Variants in OR6J1 observed in about 807,000 individuals in gnomAD.
The protein encoded by OR6J1 is olfactory receptor 6J1.
For missense variants in OR6J1, 304 were observed against 166.8 expected (o/e 1.82, Z -4.53); for synonymous variants, 109 against 70.0 (o/e 1.56, Z -2.78).
Position 22,634,186 on chromosome 14 carries a change from C to T in OR6J1, c.626G>A (p.Cys209Tyr), listed in dbSNP as rs1293907337. The change falls in exon 2 of 2, where the codon TGC becomes TAC. Residue 209 changes from cysteine to tyrosine, a missense_variant. Coordinates refer to ENST00000540461, the MANE Select transcript of OR6J1 (RefSeq NM_001348233.2). ...FMLSSMVILC[C>Y]IVLVAYSYTY... ...ATAGGAATAGGCCACGAGGACTATG[C>T]AGCAGAGGATGACCATGGAAGAAAG... 3 of 703,340 alleles carry T rather than the reference C, an allele frequency of 4.3e-6. No individual in the cohort carries two copies. In the Admixed American group the frequency reaches 6.0e-5, roughly 14 times the overall value. The allele number at this position is 703,340 out of a possible 1,614,324, so 43.6% of individuals were successfully genotyped here. A position where few individuals can be genotyped will look rare whatever the true frequency, so the allele number is the denominator to read the frequency against.
chr14:22,635,563 T>C (rs1594901386), intron 1 of OR6J1, among the ~76,000 whole-genome samples: 1 of 152,166 alleles, frequency 6.6e-6, no homozygotes, highest in East Asian at 1.9e-4. Flanking sequence ...GGAAGGAGCT[T>C]GCATTGGCAG....
At chr14:22,641,210 TAAGAAAGA>T (rs992658481) in intron 1 of OR6J1, among the ~76,000 whole-genome samples, 2,201 of 122,356 alleles carry the variant, frequency 0.018, 66 homozygotes, top group Middle Eastern at 0.061. Context: ...GAGAGAAAGA[TAAGAAAGA>T]AAGAAAGAAA....
rs1555311012 is a variant in OR6J1 at position 22,641,395 on chromosome 14, G to GGA, written c.-28+2702_-28+2703insTC. ...GAGAGAAGAAAGAAAGAGAGAGAGA[G>GGA]AGAAAGGAAGGATGGAAGGAAGGAA... On this transcript the variant is annotated intron_variant, in intron 1 of 1. Coordinates refer to ENST00000540461, the MANE Select transcript of OR6J1 (RefSeq NM_001348233.2). 9.3e-3 allele frequency among the ~76,000 whole-genome samples: 229 copies of GGA among 24,644 alleles called. 3 individuals are homozygous for GGA. The highest frequency in any genetic ancestry group is 0.068 in the East Asian group (34 of 498). The allele number at this position is 24,644 out of a possible 152,430, so 16.2% of individuals were successfully genotyped here.
In OR6J1 at chr14:22,633,640, C is replaced by A; in HGVS notation, c.*128G>T. 1.7e-6 allele frequency: 1 copy of A among 597,240 alleles called. No homozygotes were observed. Among genetic ancestry groups the A allele is most frequent in the African/African-American group, 1.9e-5 (1 of 53,906 alleles). The allele number at this position is 597,240 out of a possible 1,614,324, so 37.0% of individuals were successfully genotyped here. A position where few individuals can be genotyped will look rare whatever the true frequency, so the allele number is the denominator to read the frequency against. On this transcript the variant is annotated 3_prime_UTR_variant, in exon 2 of 2. Transcript: ENST00000540461. ...GTCAGAATGGCTGGTGACACAGCTG[C>A]GGTCACAGATTAAAGTGAAAACCAA...
chr14:22,643,762 C>CAGAGAGAGAGAG (rs71421136), intron 1 of OR6J1, among the ~76,000 whole-genome samples: 80 of 53,108 alleles, frequency 1.5e-3, no homozygotes, highest in South Asian at 1.9e-3. Flanking sequence ...CACACACACA[C>CAGAGAGAGAGAG]ACAGAGAGAG....
At chr14:22,643,756 C>G (rs1250751048) in intron 1 of OR6J1, among the ~76,000 whole-genome samples, 1,006 of 72,524 alleles carry the variant, frequency 0.014, 11 homozygotes, top group African/African-American at 0.036. Context: ...CACACACACA[C>G]ACACACACAG....
chr14:22,641,762 C>T (rs932001957), intron 1 of OR6J1, among the ~76,000 whole-genome samples: 3 of 152,050 alleles, frequency 2.0e-5, no homozygotes, highest in Non-Finnish European at 4.4e-5. Context: ...TGTGAAGAAA[C>T]CTGATTTCAG....
chr14:22,634,075 A>G lies in OR6J1; in HGVS notation c.737T>C (p.Ile246Thr), dbSNP rs533589955. ...AFNTCASHLT[I>T]VIISSGITVF... The stretch of plus-strand genomic sequence containing the variant: ...AGTGATGCCACTAGAAATGATGACT[A>G]TGGTCAGGTGGGAAGCACAGGTATT... The change falls in exon 2 of 2, where the codon ATA (isoleucine) becomes ACA (threonine). Residue 246 changes from isoleucine (I) to threonine (T), a missense_variant. Transcript: ENST00000540461. 15 of 703,052 alleles carry G rather than the reference A, an allele frequency of 2.1e-5. No homozygotes were observed. The highest frequency in any genetic ancestry group is 5.2e-5 in the African/African-American group (3 of 57,376). The allele number at this position is 703,052 out of a possible 1,614,324, so 43.6% of individuals were successfully genotyped here.
In OR6J1 at chr14:22,637,904, G is replaced by GT. The variant is rs1164934765; in HGVS notation, c.-27-3067_-27-3066insA. Among the ~76,000 whole-genome samples, 9 of 44,770 alleles carry GT rather than the reference G, an allele frequency of 2.0e-4. 3 individuals carry two copies. The highest frequency in any genetic ancestry group is 1.2e-3 in the Admixed American group (9 of 7,504). 29.4% of individuals were successfully genotyped at this position (44,770 alleles called of 152,430 possible). A position where few individuals can be genotyped will look rare whatever the true frequency, so the allele number is the denominator to read the frequency against. ...AGCCGCCCTGTCCGGGAGGGAGGTG[G>GT]GGGGGTCAGCCCCCGCCCGGCCGGC... On this transcript the variant is annotated intron_variant, in intron 1 of 1. Transcript: ENST00000540461.
At chr14:22,639,995 TAAA>T (rs1016510047) in intron 1 of OR6J1, among the ~76,000 whole-genome samples, 1 of 108,096 alleles carries the variant, frequency 9.3e-6, no homozygotes, top group African/African-American at 3.0e-5. Context: ...AAAATAAATT[TAAA>T]AAAAAAAAAA....
In OR6J1 at chr14:22,633,907, T is replaced by A. The variant is rs1178901496; in HGVS notation, c.905A>T (p.Asp302Val). 1.4e-5 allele frequency: 10 copies of A among 702,924 alleles called. No individual in the cohort carries two copies. The highest frequency in any genetic ancestry group is 2.6e-5 in the Non-Finnish European group (10 of 384,866). The allele number at this position is 702,924 out of a possible 1,614,324, so 43.5% of individuals were successfully genotyped here. ...AACTCCTCGAACCCTGACCCACACA[T>A]CCCTGAGGACTCCCTGCACTGTGTC... ...RNDTVQGVLR[D>V]VWVRVRGVFE... The change falls in exon 2 of 2, where the codon GAT becomes GTT. Residue 302 changes from aspartate to valine, a missense_variant. By Grantham distance (152) the Asp-to-Val change is radical. Coordinates refer to ENST00000540461, the MANE Select transcript of OR6J1 (RefSeq NM_001348233.2).
chr14:22,639,036 G>A (rs2037619985), intron 1 of OR6J1, among the ~76,000 whole-genome samples: 1 of 108,046 alleles, frequency 9.3e-6, no homozygotes, highest in Non-Finnish European at 1.8e-5. Flanking sequence ...GAGGTGAGGA[G>A]CGTCTCTGCC....
chr14:22,636,770 C>CCA (rs1274631909), intron 1 of OR6J1, among the ~76,000 whole-genome samples: 1 of 117,240 alleles, frequency 8.5e-6, no homozygotes, highest in Non-Finnish European at 1.7e-5. Flanking sequence ...GCTACAGCCT[C>CCA]CACCTCCCAG....
intron 1 of OR6J1, among the ~76,000 whole-genome samples, chr14:22,641,396 A>AAAG (rs1478869748): frequency 0.57 from 69,961 of 122,690 alleles, 19,494 homozygotes; most frequent in East Asian, 0.69. Flanking sequence ...AGAGAGAGAG[A>AAAG]GAAAGGAAGG....
At chr14:22,634,964 C>CT in intron 1 of OR6J1, 126 bp from the exon 2 acceptor site, 1 of 566,106 alleles carries the variant, frequency 1.8e-6, no homozygotes, top group South Asian at 2.5e-5. Context: ...GCAAGTTTAG[C>CT]TTGGCTTTCA....
rs762392824 is a variant in OR6J1, at chr14:22,641,509, AAGG to A, written c.-28+2586_-28+2588del. On this transcript the variant is annotated intron_variant, in intron 1 of 1. Coordinates refer to ENST00000540461, the MANE Select transcript of OR6J1 (RefSeq NM_001348233.2). ...GAAGGAAGGAGGGAGGGAGGAAAGA[AAGG>A]AGGGAGGGAAGAAAGAAGGAAAGAA... is the stretch of plus-strand genomic sequence containing the variant. 1.6e-4 allele frequency among the ~76,000 whole-genome samples: 22 copies of A among 133,714 alleles called. No individual in the cohort carries two copies. The South Asian group carries it at 1.8e-3, about 11-fold the overall frequency. 87.7% of individuals were successfully genotyped at this position (133,714 alleles called of 152,430 possible).
At position 22,633,955 on chromosome 14, in the gene OR6J1, G is replaced by C. The variant is rs771440035; in HGVS notation, c.857C>G (p.Pro286Arg). 7 of 702,764 alleles carry C rather than the reference G, an allele frequency of 1.0e-5. No homozygotes were observed. Among genetic ancestry groups the C allele is most frequent in the Non-Finnish European group, 1.6e-5 (6 of 384,842 alleles). The allele number at this position is 702,764 out of a possible 1,614,324, so 43.5% of individuals were successfully genotyped here. The change falls in exon 2 of 2, where the codon CCC becomes CGC. Residue 286 changes from proline (P) to arginine (R), a missense_variant. Transcript: ENST00000540461. The stretch of plus-strand genomic sequence containing the variant: ...GTCATTCCTCAGAGTATATATAAAG[G>C]GGTTGAGGAATGGAGTCACCACACT... ...LSSVVTPFLN[P>R]FIYTLRNDTV...
Position 22,631,303 on chromosome 14 carries a change from C to G in OR6J1, c.*2465G>C, listed in dbSNP as rs1279515338. On this transcript the variant is annotated 3_prime_UTR_variant, in exon 2 of 2. Coordinates refer to ENST00000540461, the MANE Select transcript of OR6J1 (RefSeq NM_001348233.2). Reference sequence around the variant, plus strand: ...TGGGAGCGCTATGGGAGACTGGGGTCTATTTGACCCCTACAGTCTACAGAC... The same window carrying G: ...TGGGAGCGCTATGGGAGACTGGGGTGTATTTGACCCCTACAGTCTACAGAC... 2.0e-5 allele frequency: 3 copies of G among 152,154 alleles called. No individual in the cohort carries two copies. Among genetic ancestry groups the G allele is most frequent in the Admixed American group, 6.5e-5 (1 of 15,286 alleles). 9.4% of individuals were successfully genotyped at this position (152,154 alleles called of 1,614,324 possible). A position where few individuals can be genotyped will look rare whatever the true frequency, so the allele number is the denominator to read the frequency against.
intron 1 of OR6J1, among the ~76,000 whole-genome samples, chr14:22,640,250 GAAGGAAGC>G (rs1286329818): frequency 0.011 from 1,177 of 110,020 alleles, 40 homozygotes; most frequent in African/African-American, 0.042. Flanking sequence ...TGGAAGGAAG[GAAGGAAGC>G]AAGGAAGGAA....
Sources: gnomAD v4.1 joint callset for allele counts (sites outside exome capture counted in the v4.1 genomes callset) on GRCh38, gnomAD v4.1.1 for gene constraint, MANE v1.5 for transcripts, NCBI Gene and HGNC (gene_info 2026-07-23, HGNC 2026-07-21) for gene names.